Variants in ADORA1 observed in about 807,000 individuals in gnomAD.
The protein encoded by ADORA1 is adenosine receptor A1.
Under a neutral mutation model 19.9 loss-of-function variants are expected in ADORA1, and 6 were observed. That is an observed-to-expected ratio of 0.30 (90% CI 0.17 to 0.59). The LOEUF (loss-of-function observed/expected upper bound fraction) is 0.59. Among genes scored for constraint, ADORA1 ranks in the 20% least tolerant of loss-of-function variants. The pLI is 0.87. For missense variants in ADORA1, 302 were observed against 439.2 expected (o/e 0.69, Z 2.79); for synonymous variants, 194 against 188.4 (o/e 1.03, Z -0.24).
intron 3 of ADORA1, among the ~76,000 whole-genome samples, chr1:203,162,221 G>A (rs1655395672): frequency 6.6e-6 from 1 of 152,204 alleles, no homozygotes; most frequent in African/African-American, 2.4e-5. Flanking sequence ...CCTCAGCCAA[G>A]GTCTTGGGTC....
At chr1:203,150,465 G>A (rs1353478379) in intron 3 of ADORA1, among the ~76,000 whole-genome samples, 2 of 152,214 alleles carry the variant, frequency 1.3e-5, no homozygotes, top group African/African-American at 4.8e-5. Flanking sequence ...TGCTTATGTG[G>A]AGGGACACAG....
intron 3 of ADORA1, among the ~76,000 whole-genome samples, chr1:203,133,993 C>T (rs953324256): frequency 2.6e-5 from 4 of 152,184 alleles, no homozygotes; most frequent in African/African-American, 9.7e-5. Flanking sequence ...CAGTTGCTCT[C>T]AGGTCATGCC....
Position 203,128,218 on chromosome 1 carries a change from G to T in ADORA1, c.-212-60G>T, listed in dbSNP as rs1558124403. 1.2e-6 allele frequency: 1 copy of T among 826,396 alleles called. No homozygotes were observed. The allele number at this position is 826,396 out of a possible 1,614,324, so 51.2% of individuals were successfully genotyped here. On this transcript the variant is annotated intron_variant, in intron 1 of 3. Coordinates refer to ENST00000337894, the MANE Select transcript of ADORA1 (RefSeq NM_000674.3). The surrounding 1 kb of genome is among the most constrained non-coding windows in gnomAD (Gnocchi z 5.9). Reference sequence around the variant, plus strand: ...CCAGTCCCAGGTGCGAAACAGGGGCGCTACCTCTTTAAAAGCGTCCGGGGC... The same window carrying T: ...CCAGTCCCAGGTGCGAAACAGGGGCTCTACCTCTTTAAAAGCGTCCGGGGC...
At chr1:203,139,199 A>G (rs554697463) in intron 3 of ADORA1, among the ~76,000 whole-genome samples, 1 of 152,228 alleles carries the variant, frequency 6.6e-6, no homozygotes, top group Non-Finnish European at 1.5e-5. Context: ...ATAAAACACT[A>G]GTGATGAAAT....
At chr1:203,150,722 C>A in intron 3 of ADORA1, 1 of 1,289,802 alleles carries the variant, frequency 7.8e-7, no homozygotes, top group Non-Finnish European at 1.0e-6. Flanking sequence ...GAAGCACAAG[C>A]TGTGGAATGC....
chr1:203,158,398 A>G (rs1655260172), intron 3 of ADORA1, among the ~76,000 whole-genome samples: 1 of 152,186 alleles, frequency 6.6e-6, no homozygotes, highest in Admixed American at 6.5e-5. Context: ...CTGAGACCTC[A>G]TCCAAAATTC....
intron 3 of ADORA1, chr1:203,150,869 A>C (rs1242468370): frequency 9.8e-6 from 12 of 1,221,720 alleles, no homozygotes; most frequent in Non-Finnish European, 6.3e-6. Flanking sequence ...TGTGAGCTTT[A>C]GGGGGCCCTG....
chr1:203,147,887 C>T (rs969154288), intron 3 of ADORA1, among the ~76,000 whole-genome samples: 10 of 152,152 alleles, frequency 6.6e-5, no homozygotes, highest in African/African-American at 2.4e-4. Context: ...TAAATATATA[C>T]AATTAATGTT....
chr1:203,156,833 C>T (rs1655212834), intron 3 of ADORA1, among the ~76,000 whole-genome samples: 1 of 152,224 alleles, frequency 6.6e-6, no homozygotes, highest in Admixed American at 6.5e-5. Context: ...AGGCATCACA[C>T]AGACAGGAGC....
intron 3 of ADORA1, among the ~76,000 whole-genome samples, chr1:203,155,019 A>C (rs768057009): frequency 2.1e-5 from 1 of 48,202 alleles, no homozygotes. Context: ...CTTCCTATTT[A>C]TTATTATTAT....
At chr1:203,133,345 C>G (rs990999653) in intron 3 of ADORA1, among the ~76,000 whole-genome samples, 9 of 152,302 alleles carry the variant, frequency 5.9e-5, no homozygotes, top group African/African-American at 1.9e-4. Context: ...GAATTTTTGA[C>G]CTCAGGTGAG....
In ADORA1 at chr1:203,165,885, G is replaced by C. The variant is rs138495914; in HGVS notation, c.966G>C (p.Glu322Asp). 360 of 1,560,400 alleles carry C rather than the reference G, an allele frequency of 2.3e-4. No individual in the cohort carries two copies. The highest frequency in any genetic ancestry group is 3.1e-4 in the Non-Finnish European group (355 of 1,151,624). The change falls in exon 4 of 4, where the codon GAG becomes GAC. Residue 322 changes from glutamate (E) to aspartate (D), a missense_variant. By Grantham distance (45) the Glu-to-Asp change is conservative. Transcript: ENST00000337894. The surrounding 1 kb of genome is among the most constrained non-coding windows in gnomAD (Gnocchi z 5.9). The part of the protein sequence containing the change: ...APPIDEDLPE[E>D]RPDD ...CCATTGACGAGGATCTCCCAGAAGA[G>C]AGGCCTGATGACTAGACCCCGCCTT...
At chr1:203,161,899 T>C (rs1655382206) in intron 3 of ADORA1, among the ~76,000 whole-genome samples, 1 of 152,192 alleles carries the variant, frequency 6.6e-6, no homozygotes, top group South Asian at 2.1e-4. Context: ...TTTAAGGTAC[T>C]GTCTGCCCTG....
intron 3 of ADORA1, among the ~76,000 whole-genome samples, chr1:203,131,349 G>A (rs1654325885): frequency 2.6e-5 from 4 of 152,148 alleles, no homozygotes; most frequent in African/African-American, 9.7e-5. Flanking sequence ...TACTCCTCTG[G>A]TGCAGTGTTG....
chr1:203,135,796 T>C (rs1262246251), intron 3 of ADORA1, among the ~76,000 whole-genome samples: 1 of 152,108 alleles, frequency 6.6e-6, no homozygotes, highest in Non-Finnish European at 1.5e-5. Context: ...CTAGAAAGAT[T>C]GCCTTGTGAG....
At chr1:203,149,315 G>A (rs1354665901) in intron 3 of ADORA1, among the ~76,000 whole-genome samples, 1 of 152,248 alleles carries the variant, frequency 6.6e-6, no homozygotes, top group Non-Finnish European at 1.5e-5. Flanking sequence ...GGTTGTGGCA[G>A]AGCGGAGTGA....
At chr1:203,152,487 G>A (rs1177127400) in intron 3 of ADORA1, 1 of 152,408 alleles carries the variant, frequency 6.6e-6, no homozygotes, top group African/African-American at 2.4e-5. Flanking sequence ...CACTGGAAAA[G>A]GAATTTTGCC....
At position 203,150,025 on chromosome 1, in the gene ADORA1, G is replaced by A. The variant is rs376817647; in HGVS notation, c.342-15236G>A. 4 of 152,294 alleles carry A rather than the reference G, an allele frequency of 2.6e-5. No individual in the cohort carries two copies. The East Asian group carries it at 5.8e-4, about 22-fold the overall frequency. 9.4% of individuals were successfully genotyped at this position (152,294 alleles called of 1,614,324 possible). ...TGATTTTGAACCAGACTTCGTCTTCGCCCTTCAGGTACTTGCAGTTATGTG... is the reference window on the plus strand; with the variant it reads ...TGATTTTGAACCAGACTTCGTCTTCACCCTTCAGGTACTTGCAGTTATGTG... On this transcript the variant is annotated intron_variant, in intron 3 of 3. Transcript: ENST00000337894.
chr1:203,150,857 G>A, intron 3 of ADORA1: 1 of 1,256,070 alleles, frequency 8.0e-7, no homozygotes, highest in South Asian at 1.3e-5. Context: ...GGGGCTAGGT[G>A]CTGTGAGCTT....
Sources: allele counts gnomAD v4.1 joint callset (sites outside exome capture counted in the v4.1 genomes callset), GRCh38; gene constraint gnomAD v4.1.1; non-coding constraint Gnocchi (gnomAD v3.1); transcripts MANE v1.5; gene names NCBI Gene and HGNC (gene_info 2026-07-23, HGNC 2026-07-21).